Variants in GBF1 observed in about 807,000 individuals in gnomAD.
The protein encoded by GBF1 is golgi brefeldin A resistant guanine nucleotide exchange factor 1, also known as Golgi-specific brefeldin A-resistance guanine nucleotide exchange factor 1.
A neutral mutation model predicts 210.5 loss-of-function variants in GBF1; 114 were observed. The observed-to-expected ratio is 0.54, with a 90% confidence interval of 0.47 to 0.63. The LOEUF (loss-of-function observed/expected upper bound fraction) is 0.63, where lower values mean the gene tolerates loss of function less well. GBF1 is among the 30% of genes least tolerant of loss of function. GBF1 has a pLI of 0.00. For missense variants in GBF1, 1,851 were observed against 2,357.7 expected, an observed-to-expected ratio of 0.79 and a Z score of 4.45; for synonymous variants, 850 against 889.2, an observed-to-expected ratio of 0.96 and a Z score of 0.78.
Position 102,304,887 on chromosome 10 carries a change from C to T in GBF1, c.164-39164C>T, listed in dbSNP as rs2077701814. Among the ~76,000 whole-genome samples the T allele has an allele frequency of 2.0e-5, 3 of 151,706 alleles. No homozygotes were observed. In the South Asian group the frequency reaches 6.3e-4, roughly 32 times the overall value. ...ACAAGCCGGGTGTGGTGGTGCAAGC[C>T]TGTAGTCCCAGCTACTCAGAAGCCT... On this transcript the variant is annotated intron_variant, in intron 3 of 39. Transcript: ENST00000369983.
chr10:102,253,615 G>T (rs1331404216), intron 1 of GBF1, among the ~76,000 whole-genome samples: 2 of 152,088 alleles, frequency 1.3e-5, no homozygotes, highest in Admixed American at 6.6e-5. Context: ...CTAGGCTCAA[G>T]TGATCCTCCC....
chr10:102,370,156 C>G lies in GBF1; in HGVS notation c.3340-18C>G, dbSNP rs374053025. The G allele has an allele frequency of 1.3e-6, 2 of 1,598,522 alleles. No individual in the cohort carries two copies. Among genetic ancestry groups the G allele is most frequent in the African/African-American group, 1.3e-5 (1 of 74,712 alleles). ...TCAGCCTTTGTCAAAGACCCCCTCTCTCTTTTGCCCTCTCTAGCAATGTGA... is the reference window on the plus strand; with the variant it reads ...TCAGCCTTTGTCAAAGACCCCCTCTGTCTTTTGCCCTCTCTAGCAATGTGA... On this transcript the variant is annotated intron_variant, in intron 26 of 39. Coordinates refer to ENST00000369983, the MANE Select transcript of GBF1 (RefSeq NM_001377137.1).
Position 102,359,268 on chromosome 10 carries a change from A to G in GBF1, c.1013A>G (p.Gln338Arg). The change falls in exon 11 of 40, where the codon CAG becomes CGG. Residue 338 changes from glutamine to arginine, a missense_variant and splice_region_variant. This residue lies in a region of GBF1 where 804 missense variants were observed against 958.6 expected (regional missense o/e 0.84). Coordinates refer to ENST00000369983, the MANE Select transcript of GBF1 (RefSeq NM_001377137.1). ...ATATCTCCCTGCTACTGGTCATAGC[A>G]GGAAGGGACCCATGTGGAAAAGTCC... ...LGVPEQPDLQQEGTHVEKSQS... is the reference protein window; with the variant it reads ...LGVPEQPDLQREGTHVEKSQS... 1.2e-6 allele frequency: 2 copies of G among 1,608,722 alleles called. No homozygotes were observed. Among genetic ancestry groups the G allele is most frequent in the Non-Finnish European group, 1.7e-6 (2 of 1,175,062 alleles).
intron 3 of GBF1, among the ~76,000 whole-genome samples, chr10:102,270,310 C>T (rs1476337132): frequency 6.6e-6 from 1 of 152,004 alleles, no homozygotes; most frequent in African/African-American, 2.4e-5. Context: ...GCTGGGATTA[C>T]AGGCACGGGC....
intron 3 of GBF1, among the ~76,000 whole-genome samples, chr10:102,302,081 A>G (rs896818022): frequency 1.1e-4 from 16 of 152,212 alleles, no homozygotes; most frequent in Non-Finnish European, 2.4e-4. Flanking sequence ...CGGCCAACAC[A>G]GCGAAACCCC....
intron 3 of GBF1, among the ~76,000 whole-genome samples, chr10:102,310,980 A>C (rs780127437): frequency 1.3e-5 from 2 of 152,200 alleles, no homozygotes; most frequent in East Asian, 3.9e-4. Context: ...AGCAGTGTGC[A>C]GGGTACTCTC....
chr10:102,296,261 C>A (rs565539562), intron 3 of GBF1, among the ~76,000 whole-genome samples: 1 of 152,206 alleles, frequency 6.6e-6, no homozygotes, highest in Non-Finnish European at 1.5e-5. Context: ...GCCCAACTGA[C>A]TTAAATAAGA....
At chr10:102,377,208 G>A (rs1289977759) in intron 33 of GBF1, 68 bp downstream of exon 33, 2 of 1,326,976 alleles carry the variant, frequency 1.5e-6, no homozygotes, top group Non-Finnish European at 2.1e-6. Context: ...GGCGGCCAGG[G>A]AAAGCCAGGG....
chr10:102,381,083 A>G, intron 38 of GBF1, 44 bp from the exon 39 acceptor site: 1 of 1,594,300 alleles, frequency 6.3e-7, no homozygotes, highest in Non-Finnish European at 8.6e-7. Flanking sequence ...TGCTGGAGAG[A>G]GAAAGCACTA....
chr10:102,344,295 T>C, intron 4 of GBF1, 113 bp downstream of exon 4: 1 of 850,402 alleles, frequency 1.2e-6, no homozygotes, highest in Non-Finnish European at 1.9e-6. Context: ...TCCAGTCACC[T>C]CTTTTCTTGT....
chr10:102,352,442 G>T lies in GBF1; in HGVS notation c.524-16G>T. 1.3e-6 allele frequency: 2 copies of T among 1,580,362 alleles called. No individual in the cohort carries two copies. The highest frequency in any genetic ancestry group is 1.7e-6 in the Non-Finnish European group (2 of 1,149,290). On this transcript the variant is annotated splice_polypyrimidine_tract_variant and intron_variant, in intron 6 of 39. Coordinates refer to ENST00000369983, the MANE Select transcript of GBF1 (RefSeq NM_001377137.1). ...GCAAGTAATGACACCTGTGTTATTT[G>T]TTTTTGCCTGTGCAGAGTTATTGAG...
chr10:102,275,238 CAGTT>C (rs2074848193), intron 3 of GBF1, among the ~76,000 whole-genome samples: 1 of 152,150 alleles, frequency 6.6e-6, no homozygotes. Flanking sequence ...CTAATAGTCC[CAGTT>C]CACAAATAAC....
intron 23 of GBF1, 26 bp from the exon 24 acceptor site, chr10:102,369,185 A>T: frequency 1.3e-6 from 2 of 1,567,148 alleles, no homozygotes; most frequent in Non-Finnish European, 1.8e-6. Context: ...GCTCGGCCTT[A>T]AGTCTGTTCT....
intron 3 of GBF1, among the ~76,000 whole-genome samples, chr10:102,313,207 G>A (rs73346862): frequency 2.9e-4 from 44 of 152,276 alleles, no homozygotes; most frequent in African/African-American, 9.6e-4. Flanking sequence ...ATGGAGGCTG[G>A]GTTATTTTCC....
At chr10:102,274,477 A>G (rs1342586228) in intron 3 of GBF1, among the ~76,000 whole-genome samples, 1 of 151,952 alleles carries the variant, frequency 6.6e-6, no homozygotes, top group Non-Finnish European at 1.5e-5. Flanking sequence ...ATGTTCTATG[A>G]TATGATTAGT....
intron 3 of GBF1, among the ~76,000 whole-genome samples, chr10:102,341,030 A>G (rs549529136): frequency 6.6e-6 from 1 of 152,318 alleles, no homozygotes; most frequent in South Asian, 2.1e-4. Context: ...TAAGCTTAAG[A>G]CTGGGAGAAA....
chr10:102,355,867 T>G (rs2059262210), intron 8 of GBF1, among the ~76,000 whole-genome samples: 1 of 152,202 alleles, frequency 6.6e-6, no homozygotes, highest in South Asian at 2.1e-4. Flanking sequence ...TTTTGCATGT[T>G]TGGCGGACTC....
chr10:102,242,056 C>T (rs1428090793), upstream of GBF1, among the ~76,000 whole-genome samples: 1 of 152,222 alleles, frequency 6.6e-6, no homozygotes, highest in African/African-American at 2.4e-5. Context: ...TCTCCTCAGC[C>T]GCTTCGCTCC....
At position 102,270,321 on chromosome 10, in the gene GBF1, C is replaced by T. The variant is rs532218043; in HGVS notation, c.163+10205C>T. On this transcript the variant is annotated intron_variant, in intron 3 of 39. Coordinates refer to ENST00000369983, the MANE Select transcript of GBF1 (RefSeq NM_001377137.1). Reference sequence around the variant, plus strand: ...AGTAGCTGGGATTACAGGCACGGGCCACCACGCCCAGCTAATTTTTGTATT... The same window carrying T: ...AGTAGCTGGGATTACAGGCACGGGCTACCACGCCCAGCTAATTTTTGTATT... Among the ~76,000 whole-genome samples the T allele has an allele frequency of 3.9e-5, 6 of 152,054 alleles. No individual in the cohort carries two copies. The South Asian group carries it at 6.2e-4, about 16-fold the overall frequency.
Sources: gnomAD v4.1 joint callset for allele counts (sites outside exome capture counted in the v4.1 genomes callset) on GRCh38, gnomAD v4.1.1 for gene constraint, gnomAD v4.1.1 regional missense constraint, MANE v1.5 for transcripts, NCBI Gene and HGNC (gene_info 2026-07-23, HGNC 2026-07-21) for gene names.